RGS6: variants seen among roughly 807,000 people sequenced by gnomAD.
RGS6 encodes the protein regulator of G protein signaling 6.
In RGS6, 30 loss-of-function variants were observed where a neutral mutation model predicts 78.5. That is an observed-to-expected ratio of 0.38 (90% CI 0.29 to 0.52). RGS6 has a LOEUF of 0.52. Ranked by LOEUF, RGS6 falls within the 20% of genes least tolerant of loss-of-function variation. The pLI, the probability that RGS6 is intolerant of heterozygous loss-of-function variation, is 0.85. For missense variants in RGS6, 495 were observed against 609.7 expected, an observed-to-expected ratio of 0.81 and a Z score of 1.98; for synonymous variants, 206 against 206.0, an observed-to-expected ratio of 1.00 and a Z score of 0.00.
rs1027454263 is a variant in RGS6 at position 72,564,469 on chromosome 14, T to A, written c.*2002T>A. 6.6e-6 allele frequency: 1 copy of A among 152,248 alleles called. No individual in the cohort carries two copies. The highest frequency in any genetic ancestry group is 2.4e-5 in the African/African-American group (1 of 41,458). 9.4% of individuals were successfully genotyped at this position (152,248 alleles called of 1,614,324 possible). On this transcript the variant is annotated 3_prime_UTR_variant, in exon 18 of 18. Transcript: ENST00000553525. ...CCTCTTTCTCTTTGTATAAACCTCA[T>A]GTTTCAGAACAAAATTACAGTCTAA...
At chr14:71,984,450 G>A (rs927652849) in intron 2 of RGS6, among the ~76,000 whole-genome samples, 6 of 123,856 alleles carry the variant, frequency 4.8e-5, no homozygotes, top group Admixed American at 9.9e-5. Context: ...TTTGAGACCA[G>A]CCCGTGCAAT....
intron 2 of RGS6, among the ~76,000 whole-genome samples, chr14:72,008,695 T>C (rs1486390576): frequency 3.3e-5 from 5 of 152,166 alleles, no homozygotes; most frequent in Admixed American, 1.3e-4. Flanking sequence ...ATTCAGGCAG[T>C]CTGGTGGAGG....
chr14:72,272,210 C>T (rs145169996), intron 2 of RGS6, among the ~76,000 whole-genome samples: 32 of 152,166 alleles, frequency 2.1e-4, no homozygotes, highest in African/African-American at 7.5e-4. Flanking sequence ...GAGATGTGTA[C>T]TCTGGGCTCA....
At chr14:72,546,873 G>A (rs1050716613) in intron 17 of RGS6, among the ~76,000 whole-genome samples, 1 of 152,200 alleles carries the variant, frequency 6.6e-6, no homozygotes, top group Non-Finnish European at 1.5e-5. Flanking sequence ...GATCTATTTC[G>A]GGAGGTGACC....
the RGS6 span, among the ~76,000 whole-genome samples, chr14:72,606,907 C>T: frequency 6.6e-6 from 1 of 152,288 alleles, no homozygotes; most frequent in South Asian, 2.1e-4. Context: ...CACACCTGCT[C>T]CTCCTCAATT....
chr14:72,066,313 G>A (rs1337713174), intron 2 of RGS6, among the ~76,000 whole-genome samples: 1 of 151,898 alleles, frequency 6.6e-6, no homozygotes, highest in African/African-American at 2.4e-5. Flanking sequence ...ACTCTGTAGG[G>A]GCTAAAGCTT....
At chr14:72,025,072 A>T (rs554360493) in intron 2 of RGS6, among the ~76,000 whole-genome samples, 1 of 152,180 alleles carries the variant, frequency 6.6e-6, no homozygotes, top group Non-Finnish European at 1.5e-5. Context: ...ACGTGTCCCT[A>T]TGTTTCTGTA....
Position 72,272,741 on chromosome 14 carries a change from T to A in RGS6, c.85-79354T>A, listed in dbSNP as rs747625822. Among the ~76,000 whole-genome samples the A allele has an allele frequency of 2.0e-5, 3 of 152,134 alleles. No homozygotes were observed. In the Middle Eastern group the frequency reaches 0.01, roughly 517 times the overall value. ...TACATTGGAAATTATGCCAAAAGAG[T>A]AATGAATGAATTAGGTAAATGAATT... On this transcript the variant is annotated intron_variant, in intron 2 of 17. Transcript: ENST00000553525.
At chr14:72,005,098 A>G (rs2084256498) in intron 2 of RGS6, among the ~76,000 whole-genome samples, 1 of 152,236 alleles carries the variant, frequency 6.6e-6, no homozygotes, top group Non-Finnish European at 1.5e-5. Context: ...GAGAAGCACA[A>G]ATGGTCATTA....
intron 3 of RGS6, among the ~76,000 whole-genome samples, chr14:72,364,621 A>G (rs1054694947): frequency 5.9e-5 from 9 of 152,242 alleles, no homozygotes; most frequent in African/African-American, 2.2e-4. Context: ...TTTAATAAAA[A>G]TTGAAAGTAA....
At chr14:72,124,742 T>C (rs1339848678) in intron 2 of RGS6, among the ~76,000 whole-genome samples, 1 of 152,202 alleles carries the variant, frequency 6.6e-6, no homozygotes, top group Admixed American at 6.5e-5. Context: ...TTAATAACTT[T>C]CACTATAGAA....
chr14:72,596,417 T>C, the RGS6 span, among the ~76,000 whole-genome samples: 2 of 152,200 alleles, frequency 1.3e-5, no homozygotes, highest in African/African-American at 4.8e-5. Context: ...GCAACCTTAG[T>C]TCCACCTGCA....
intron 2 of RGS6, among the ~76,000 whole-genome samples, chr14:72,224,867 A>G (rs547588524): frequency 6.6e-6 from 1 of 152,188 alleles, no homozygotes; most frequent in Non-Finnish European, 1.5e-5. Context: ...ACTCAGCCAT[A>G]GCAAGCAGGG....
intron 2 of RGS6, among the ~76,000 whole-genome samples, chr14:72,285,767 A>G (rs953981968): frequency 2.6e-5 from 4 of 152,220 alleles, no homozygotes; most frequent in South Asian, 4.1e-4. Context: ...ATGATTGGCA[A>G]TGTTGACCAA....
chr14:72,566,763 G>C, downstream of RGS6, among the ~76,000 whole-genome samples: 1 of 152,038 alleles, frequency 6.6e-6, no homozygotes, highest in African/African-American at 2.4e-5. Context: ...CATCCTGGTA[G>C]GTAGAGACAG....
At chr14:72,521,402 T>G (rs1486694392) in intron 15 of RGS6, among the ~76,000 whole-genome samples, 3 of 152,230 alleles carry the variant, frequency 2.0e-5, no homozygotes, top group Non-Finnish European at 4.4e-5. Flanking sequence ...ACATTTATGT[T>G]GTCTCTACTT....
intron 14 of RGS6, among the ~76,000 whole-genome samples, chr14:72,512,475 C>G (rs2153450671): frequency 6.6e-6 from 1 of 152,330 alleles, no homozygotes; most frequent in South Asian, 2.1e-4. Flanking sequence ...CCTCTGCCAG[C>G]TCCTTTCCCC....
chr14:72,396,154 G>A (rs2091206866), intron 3 of RGS6, among the ~76,000 whole-genome samples: 2 of 152,174 alleles, frequency 1.3e-5, no homozygotes, highest in African/African-American at 4.8e-5. Context: ...CACCAACAGT[G>A]TAAAAGCATT....
chr14:72,080,928 G>A (rs764857073), intron 2 of RGS6, among the ~76,000 whole-genome samples: 2 of 152,092 alleles, frequency 1.3e-5, no homozygotes, highest in Non-Finnish European at 2.9e-5. Flanking sequence ...TAGCTTTGTA[G>A]TAGTTTTTGA....
Sources: allele counts gnomAD v4.1 joint callset (sites outside exome capture counted in the v4.1 genomes callset), GRCh38; gene constraint gnomAD v4.1.1; transcripts MANE v1.5; gene names NCBI Gene and HGNC (gene_info 2026-07-23, HGNC 2026-07-21).